Variants in ALDH1L1 observed in about 807,000 individuals in gnomAD.
ALDH1L1 encodes the protein cytosolic 10-formyltetrahydrofolate dehydrogenase.
ALDH1L1 carries 68 observed loss-of-function variants against 101.1 expected under a neutral mutation model. The ratio of observed to expected loss-of-function variants is 0.67; its 90% CI spans 0.55 to 0.82. ALDH1L1 has a LOEUF of 0.82. Among genes scored for constraint, ALDH1L1 ranks in the 40% least tolerant of loss-of-function variants. The pLI, the probability that ALDH1L1 is intolerant of heterozygous loss-of-function variation, is 0.00. For synonymous variants in ALDH1L1, 486 were observed against 470.8 expected (o/e 1.03, Z -0.42); for missense variants, 1,087 against 1,172.7 (o/e 0.93, Z 1.07).
chr3:126,139,304 T>G (rs1275718968), intron 9 of ALDH1L1, among the ~76,000 whole-genome samples: 1 of 152,208 alleles, frequency 6.6e-6, no homozygotes, highest in Non-Finnish European at 1.5e-5. Flanking sequence ...GCAGGAACAA[T>G]GGAACAGAAA....
chr3:126,172,211 C>G (rs931739890), intron 1 of ALDH1L1, among the ~76,000 whole-genome samples: 1 of 152,112 alleles, frequency 6.6e-6, no homozygotes, highest in African/African-American at 2.4e-5. Context: ...GACAAAAACA[C>G]AGTTTGCAAA....
intron 9 of ALDH1L1, among the ~76,000 whole-genome samples, chr3:126,139,898 G>A (rs2080530925): frequency 6.6e-6 from 1 of 152,132 alleles, no homozygotes; most frequent in African/African-American, 2.4e-5. Flanking sequence ...AATGAAAAGA[G>A]CCTGAAGGAT....
chr3:126,144,979 A>G (rs902913914), intron 9 of ALDH1L1, among the ~76,000 whole-genome samples: 6 of 152,254 alleles, frequency 3.9e-5, no homozygotes. Context: ...ACAACTCAAT[A>G]GCAAACAAAA....
At chr3:126,115,546 C>T (rs1416488505) in intron 17 of ALDH1L1, 10 of 148,416 alleles carry the variant, frequency 6.7e-5, no homozygotes, top group Admixed American at 6.7e-4. Flanking sequence ...AGCATGATTT[C>T]GTTTTTTAGT....
chr3:126,108,994 C>T (rs751534599), intron 20 of ALDH1L1, among the ~76,000 whole-genome samples: 23 of 152,162 alleles, frequency 1.5e-4, no homozygotes, highest in Non-Finnish European at 2.6e-4. Flanking sequence ...GCTGCTGTGA[C>T]ACTGAGCGAG....
intron 9 of ALDH1L1, among the ~76,000 whole-genome samples, chr3:126,141,795 TG>T (rs2080573892): frequency 6.6e-6 from 1 of 151,748 alleles, no homozygotes; most frequent in African/African-American, 2.4e-5. Flanking sequence ...CCTTAAGGAA[TG>T]AGATTAAAAA....
intron 1 of ALDH1L1, among the ~76,000 whole-genome samples, chr3:126,179,061 AG>A (rs2108342513): frequency 6.6e-6 from 1 of 152,238 alleles, no homozygotes; most frequent in African/African-American, 2.4e-5. Context: ...GAGCCTTGGG[AG>A]GGGCCTCAAT....
chr3:126,184,960 C>G (rs933787985), upstream of ALDH1L1, among the ~76,000 whole-genome samples: 1 of 152,152 alleles, frequency 6.6e-6, no homozygotes. Flanking sequence ...TACCCTGCCT[C>G]GTGAGTTACT....
intron 12 of ALDH1L1, among the ~76,000 whole-genome samples, chr3:126,134,732 G>T (rs985351511): frequency 6.6e-6 from 1 of 152,224 alleles, no homozygotes; most frequent in Non-Finnish European, 1.5e-5. Flanking sequence ...GGTCTCTCCT[G>T]CCAGGTGAGG....
intron 3 of ALDH1L1, 89 bp downstream of exon 3, chr3:126,158,316 G>A: frequency 7.8e-7 from 1 of 1,289,860 alleles, no homozygotes; most frequent in Non-Finnish European, 1.1e-6. Context: ...TGCAGCCCTA[G>A]AAATGCTTTG....
intron 8 of ALDH1L1, 107 bp from the exon 9 acceptor site, chr3:126,147,033 TG>T: frequency 9.3e-7 from 1 of 1,070,980 alleles, no homozygotes; most frequent in Non-Finnish European, 1.3e-6. Context: ...GGGGCCAGGC[TG>T]GGCTTCTCTA....
intron 1 of ALDH1L1, among the ~76,000 whole-genome samples, chr3:126,177,553 G>C (rs867372111): frequency 1.8e-4 from 27 of 152,282 alleles, no homozygotes; most frequent in African/African-American, 6.0e-4. Context: ...GGATAGGTAG[G>C]GGGGTTGGGG....
At chr3:126,177,856 A>G (rs2108338929) in intron 1 of ALDH1L1, among the ~76,000 whole-genome samples, 1 of 151,890 alleles carries the variant, frequency 6.6e-6, no homozygotes, top group Non-Finnish European at 1.5e-5. Context: ...CCTGGCTAAC[A>G]TGGTAAAACC....
intron 3 of ALDH1L1, among the ~76,000 whole-genome samples, chr3:126,157,871 ACTCAAATGTCTT>A (rs2080948415): frequency 6.6e-6 from 1 of 151,990 alleles, no homozygotes; most frequent in Admixed American, 6.6e-5. Flanking sequence ...TCTTTTCTCA[ACTCAAATGTCTT>A]CCCTCTTTGA....
At position 126,118,777 on chromosome 3, in the gene ALDH1L1, A is replaced by G. The variant is rs1576422135; in HGVS notation, c.1889-679T>C. On this transcript the variant is annotated intron_variant, in intron 16 of 22. Transcript: ENST00000393434. Reference sequence around the variant, plus strand: ...TCCTAAGCATCATAGACTCCAAAACACCCGCCCTCAGGTGAGCCAGCCACA... The same window carrying G: ...TCCTAAGCATCATAGACTCCAAAACGCCCGCCCTCAGGTGAGCCAGCCACA... Among the ~76,000 whole-genome samples the G allele has an allele frequency of 2.6e-5, 4 of 151,582 alleles. No homozygotes were observed. The South Asian group carries it at 8.4e-4, about 32-fold the overall frequency.
At chr3:126,110,231 G>C (rs559416906) in intron 19 of ALDH1L1, 122 bp from the exon 20 acceptor site, 3 of 1,294,616 alleles carry the variant, frequency 2.3e-6, no homozygotes, top group Admixed American at 2.3e-5. Flanking sequence ...TCTAGCCTCA[G>C]GGCTTTCTGA....
chr3:126,140,324 G>T (rs1324712306), intron 9 of ALDH1L1, among the ~76,000 whole-genome samples: 1 of 152,132 alleles, frequency 6.6e-6, no homozygotes, highest in Non-Finnish European at 1.5e-5. Flanking sequence ...TTTCAAGAAT[G>T]AAACAGAAAT....
At chr3:126,125,534 C>A (rs891168804) in intron 15 of ALDH1L1, 82 bp downstream of exon 15, 11 of 1,129,830 alleles carry the variant, frequency 9.7e-6, no homozygotes, top group Non-Finnish European at 1.3e-5. Flanking sequence ...CCAAGAGAGG[C>A]CCTTCCCTTC....
At position 126,134,828 on chromosome 3, in the gene ALDH1L1, C is replaced by T. The variant is rs79851895; in HGVS notation, c.1472+707G>A. ...GCGAAAGAGCCAGGCCCCAAGACACCTGTGTTCTCGGCTCATCTGGCCGCA... is the reference window on the plus strand; with the variant it reads ...GCGAAAGAGCCAGGCCCCAAGACACTTGTGTTCTCGGCTCATCTGGCCGCA... On this transcript the variant is annotated intron_variant, in intron 12 of 22. Coordinates refer to ENST00000393434, the MANE Select transcript of ALDH1L1 (RefSeq NM_012190.4). Among the ~76,000 whole-genome samples the T allele has an allele frequency of 3.2e-3, 487 of 152,314 alleles. 2 individuals are homozygous for T. Among genetic ancestry groups the T allele is most frequent in the African/African-American group, 0.011 (444 of 41,576 alleles).
Sources: gnomAD v4.1 joint callset for allele counts (sites outside exome capture counted in the v4.1 genomes callset) on GRCh38, gnomAD v4.1.1 for gene constraint, MANE v1.5 for transcripts, NCBI Gene and HGNC (gene_info 2026-07-23, HGNC 2026-07-21) for gene names.